Variants in LPP observed in about 807,000 individuals in gnomAD.
LPP encodes LIM domain containing preferred translocation partner in lipoma.
In LPP, 38 loss-of-function variants were observed where a neutral mutation model predicts 60.4. The ratio of observed to expected loss-of-function variants is 0.63; its 90% CI spans 0.49 to 0.83. The LOEUF (loss-of-function observed/expected upper bound fraction) is 0.83. Ranked by LOEUF, LPP falls within the 40% of genes least tolerant of loss-of-function variation. The probability of loss-of-function intolerance (pLI) is 0.00; values close to 1 mark genes in which losing one functional copy is unlikely to be tolerated. For synonymous variants in LPP, 328 were observed against 290.8 expected (o/e 1.13, Z -1.30); for missense variants, 902 against 783.6 (o/e 1.15, Z -1.80).
intron 6 of LPP, among the ~76,000 whole-genome samples, chr3:188,533,449 A>C (rs1426811251): frequency 6.6e-6 from 1 of 152,178 alleles, no homozygotes; most frequent in Non-Finnish European, 1.5e-5. Context: ...ACTCTGTTGA[A>C]AAAGAAAATA....
At chr3:188,273,399 T>C (rs1012314693) in intron 2 of LPP, among the ~76,000 whole-genome samples, 1 of 152,136 alleles carries the variant, frequency 6.6e-6, no homozygotes, top group Non-Finnish European at 1.5e-5. Flanking sequence ...CCTAATATGG[T>C]GCCAGGCTTT....
intron 2 of LPP, among the ~76,000 whole-genome samples, chr3:188,261,404 G>A (rs1032532535): frequency 3.3e-5 from 5 of 151,912 alleles, no homozygotes; most frequent in African/African-American, 9.7e-5. Context: ...TGTGAATGAC[G>A]GCATTTACAA....
chr3:188,166,173 TTTC>T (rs1432207729), intron 1 of LPP, among the ~76,000 whole-genome samples: 2 of 151,644 alleles, frequency 1.3e-5, no homozygotes, highest in East Asian at 1.9e-4. Context: ...TTTTTTCTTC[TTTC>T]TTCTTCTTCT....
Position 188,888,454 on chromosome 3 carries a change from T to G in LPP, c.*13975T>G, listed in dbSNP as rs1560355940. 4.4e-6 allele frequency: 1 copy of G among 227,802 alleles called. No individual in the cohort carries two copies. The highest frequency in any genetic ancestry group is 1.8e-4 in the South Asian group (1 of 5,484). The allele number at this position is 227,802 out of a possible 1,614,324, so 14.1% of individuals were successfully genotyped here. On this transcript the variant is annotated 3_prime_UTR_variant, in exon 12 of 12. Transcript: ENST00000617246. ...TGCCTTTTTAACAGCTACAGTTAAGTTGGCAAGACTTCCCCAGCTCTGAAT... is the reference window on the plus strand; with the variant it reads ...TGCCTTTTTAACAGCTACAGTTAAGGTGGCAAGACTTCCCCAGCTCTGAAT...
chr3:188,740,981 A>C (rs761339808), intron 8 of LPP, among the ~76,000 whole-genome samples: 4 of 151,964 alleles, frequency 2.6e-5, no homozygotes, highest in Non-Finnish European at 5.9e-5. Context: ...TAATTTGATA[A>C]GATATCTGCA....
At chr3:188,205,022 T>C (rs998689824) in intron 1 of LPP, among the ~76,000 whole-genome samples, 9 of 152,216 alleles carry the variant, frequency 5.9e-5, no homozygotes, top group African/African-American at 2.2e-4. Context: ...CTGCTACTTA[T>C]TGGGCACCTT....
At chr3:188,222,936 A>G (rs1055917559) in intron 1 of LPP, among the ~76,000 whole-genome samples, 1 of 152,348 alleles carries the variant, frequency 6.6e-6, no homozygotes, top group South Asian at 2.1e-4. Context: ...ATACAGGTGG[A>G]AAATCAAGTT....
intron 3 of LPP, among the ~76,000 whole-genome samples, chr3:188,387,226 G>A (rs1283670238): frequency 6.6e-6 from 1 of 151,998 alleles, no homozygotes; most frequent in Non-Finnish European, 1.5e-5. Context: ...ACATGTAGGT[G>A]TAAAATAGAG....
intron 1 of LPP, among the ~76,000 whole-genome samples, chr3:188,184,561 G>A (rs1463519830): frequency 6.6e-6 from 1 of 152,088 alleles, no homozygotes; most frequent in Non-Finnish European, 1.5e-5. Context: ...AGGTGGTATC[G>A]GGTCACCATA....
At chr3:188,820,643 C>G (rs1753720097) in intron 9 of LPP, among the ~76,000 whole-genome samples, 1 of 152,100 alleles carries the variant, frequency 6.6e-6, no homozygotes, top group African/African-American at 2.4e-5. Flanking sequence ...ATCTACATAC[C>G]ACAAAGTGCT....
In LPP at chr3:188,287,864, C is replaced by T. The variant is rs1428871697; in HGVS notation, c.-66-53799C>T. On this transcript the variant is annotated intron_variant, in intron 2 of 11. Transcript: ENST00000617246. Reference sequence around the variant, plus strand: ...GTTTAAGATGCCATATTCATAAATACTAATAAGGCTGTCTGATTCCAATTT... The same window carrying T: ...GTTTAAGATGCCATATTCATAAATATTAATAAGGCTGTCTGATTCCAATTT... Among the ~76,000 whole-genome samples the T allele has an allele frequency of 2.0e-5, 3 of 152,084 alleles. 1 individual carries two copies. The highest frequency in any genetic ancestry group is 7.2e-5 in the African/African-American group (3 of 41,384).
At chr3:188,291,624 C>T (rs935965610) in intron 2 of LPP, among the ~76,000 whole-genome samples, 17 of 129,670 alleles carry the variant, frequency 1.3e-4, no homozygotes, top group Admixed American at 3.8e-4. Flanking sequence ...CCAGCCTGGG[C>T]GACAGAGCGA....
chr3:188,250,893 T>C (rs1408641704), intron 2 of LPP, among the ~76,000 whole-genome samples: 2 of 143,134 alleles, frequency 1.4e-5, no homozygotes, highest in Non-Finnish European at 3.1e-5. Context: ...TCTCTCTTTC[T>C]TTCTTCTGTT....
intron 3 of LPP, among the ~76,000 whole-genome samples, chr3:188,392,348 T>A (rs1366782483): frequency 6.6e-6 from 1 of 152,154 alleles, no homozygotes. Flanking sequence ...CATGGAGACA[T>A]GCGATATTAT....
intron 2 of LPP, among the ~76,000 whole-genome samples, chr3:188,296,698 G>A (rs1048242697): frequency 2.0e-5 from 3 of 152,178 alleles, no homozygotes; most frequent in Non-Finnish European, 4.4e-5. Flanking sequence ...TGCTAATGCA[G>A]CACCCATGAA....
In LPP at chr3:188,524,898, TCCTTCCTTCCTTCCTTC is replaced by T. The variant is rs1467795552; in HGVS notation, c.429+113_429+129del. On this transcript the variant is annotated intron_variant, in intron 6 of 11. Transcript: ENST00000617246. ...ATTTCCCCTTCCTTCCTTCCGTCCG[TCCTTCCTTCCTTCCTTC>T]CTTCCTTCCTTCCTTCCTTCCTTCC... 27 of 141,720 alleles carry T rather than the reference TCCTTCCTTCCTTCCTTC, an allele frequency of 1.9e-4. 1 individual carries two copies. Among genetic ancestry groups the T allele is most frequent in the South Asian group, 4.9e-4 (3 of 6,108 alleles). The allele number at this position is 141,720 out of a possible 1,614,324, so 8.8% of individuals were successfully genotyped here.
chr3:188,195,884 A>G (rs1469777082), intron 1 of LPP, among the ~76,000 whole-genome samples: 1 of 152,172 alleles, frequency 6.6e-6, no homozygotes, highest in Non-Finnish European at 1.5e-5. Context: ...TAGTAGAGGA[A>G]GTAAGATTTA....
intron 1 of LPP, among the ~76,000 whole-genome samples, chr3:188,222,279 A>G (rs1430246774): frequency 6.6e-6 from 1 of 152,242 alleles, no homozygotes; most frequent in Non-Finnish European, 1.5e-5. Context: ...TAACAAACTT[A>G]GGGAATATGC....
Position 188,878,104 on chromosome 3 carries a change from T to C in LPP, c.*3625T>C. 1 of 221,050 alleles carries C rather than the reference T, an allele frequency of 4.5e-6. No individual in the cohort carries two copies. The highest frequency in any genetic ancestry group is 9.1e-6 in the Non-Finnish European group (1 of 110,122). The allele number at this position is 221,050 out of a possible 1,614,324, so 13.7% of individuals were successfully genotyped here. A position where few individuals can be genotyped will look rare whatever the true frequency, so the allele number is the denominator to read the frequency against. Reference sequence around the variant, plus strand: ...GCTATAGTAGAGAGTTAGTGGAATATAGACAGGACTCTGAAAACACAACTT... The same window carrying C: ...GCTATAGTAGAGAGTTAGTGGAATACAGACAGGACTCTGAAAACACAACTT... On this transcript the variant is annotated 3_prime_UTR_variant, in exon 12 of 12. Transcript: ENST00000617246.
Sources: allele counts gnomAD v4.1 joint callset (sites outside exome capture counted in the v4.1 genomes callset), GRCh38; gene constraint gnomAD v4.1.1; transcripts MANE v1.5; gene names NCBI Gene and HGNC (gene_info 2026-07-23, HGNC 2026-07-21).